FIGN: variants seen among roughly 807,000 people sequenced by gnomAD.
FIGN encodes the protein fidgetin.
Under a neutral mutation model 51.3 loss-of-function variants are expected in FIGN, and 11 were observed. The ratio of observed to expected loss-of-function variants is 0.21; its 90% CI spans 0.13 to 0.35. The LOEUF is 0.35. Ranked by LOEUF, FIGN falls within the 10% of genes least tolerant of loss-of-function variation. The pLI is 1.00. For missense variants in FIGN, 857 were observed against 943.6 expected, an observed-to-expected ratio of 0.91 and a Z score of 1.20; for synonymous variants, 407 against 363.2, an observed-to-expected ratio of 1.12 and a Z score of -1.37.
rs568475060 is a variant in FIGN, at chr2:163,622,978, T to C, written c.26-11172A>G. Among the ~76,000 whole-genome samples the C allele has an allele frequency of 2.2e-3, 329 of 152,304 alleles. 3 individuals carry two copies. Among genetic ancestry groups the C allele is most frequent in the Non-Finnish European group, 1.2e-3 (81 of 68,026 alleles). ...AAATTCTCCCTGCTACCTCTTTAAA[T>C]CATGTGCCTCTTCATAGCACACAAA... On this transcript the variant is annotated intron_variant, in intron 2 of 2. Transcript: ENST00000333129.
chr2:163,673,878 G>A (rs1286860085), intron 2 of FIGN, among the ~76,000 whole-genome samples: 2 of 152,034 alleles, frequency 1.3e-5, no homozygotes, highest in Non-Finnish European at 2.9e-5. Context: ...TGTATTACAG[G>A]TAATATCTCA....
chr2:163,675,706 C>CTTTTTTTTTTTTTTT (rs900840520), intron 2 of FIGN, among the ~76,000 whole-genome samples: 22 of 100,494 alleles, frequency 2.2e-4, no homozygotes, highest in East Asian at 2.9e-4. Flanking sequence ...TTCTTTCTTT[C>CTTTTTTTTTTTTTTT]TTTTTTTTTT....
At chr2:163,692,741 G>C (rs992764950) in intron 2 of FIGN, among the ~76,000 whole-genome samples, 2 of 152,044 alleles carry the variant, frequency 1.3e-5, no homozygotes, top group African/African-American at 2.4e-5. Context: ...AAAAACAAAC[G>C]AGCAAATTCT....
intron 2 of FIGN, among the ~76,000 whole-genome samples, chr2:163,733,568 G>T (rs1013148473): frequency 6.6e-6 from 1 of 152,224 alleles, no homozygotes; most frequent in Non-Finnish European, 1.5e-5. Context: ...GGGAAAAAAA[G>T]CTGTGCTCTC....
chr2:163,675,616 T>A (rs189564125), intron 2 of FIGN, among the ~76,000 whole-genome samples: 2 of 152,208 alleles, frequency 1.3e-5, no homozygotes, highest in Non-Finnish European at 2.9e-5. Context: ...GATATCTGCA[T>A]GTGCGCATGC....
intron 2 of FIGN, among the ~76,000 whole-genome samples, chr2:163,670,302 A>G (rs1683856214): frequency 6.6e-6 from 1 of 152,202 alleles, no homozygotes; most frequent in African/African-American, 2.4e-5. Context: ...GGTTTTTTAA[A>G]TGAGTGTTGG....
chr2:163,651,531 C>A (rs1683477750), intron 2 of FIGN, among the ~76,000 whole-genome samples: 1 of 152,122 alleles, frequency 6.6e-6, no homozygotes, highest in Non-Finnish European at 1.5e-5. Context: ...AAATGCATTG[C>A]AGTTGAGGAG....
intron 2 of FIGN, among the ~76,000 whole-genome samples, chr2:163,714,492 T>C (rs1684638634): frequency 6.6e-6 from 1 of 152,212 alleles, no homozygotes; most frequent in Non-Finnish European, 1.5e-5. Context: ...AATTCCACTA[T>C]TACCCTAACT....
intron 2 of FIGN, among the ~76,000 whole-genome samples, chr2:163,615,483 T>C (rs978461453): frequency 3.3e-5 from 5 of 152,188 alleles, no homozygotes; most frequent in Non-Finnish European, 5.9e-5. Flanking sequence ...TTATTGTTAT[T>C]GTGTTTATTG....
chr2:163,733,854 A>C (rs1191861086), intron 2 of FIGN, among the ~76,000 whole-genome samples: 1 of 149,060 alleles, frequency 6.7e-6, no homozygotes, highest in Non-Finnish European at 1.5e-5. Context: ...GCTTTGCCCC[A>C]CTGTTATTTC....
intron 2 of FIGN, among the ~76,000 whole-genome samples, chr2:163,652,334 C>A (rs977533465): frequency 4.3e-5 from 6 of 139,592 alleles, no homozygotes; most frequent in Admixed American, 2.2e-4. Context: ...AGGACCATAT[C>A]CATTAACCAA....
chr2:163,611,919 C>A, intron 2 of FIGN, 113 bp from the exon 3 acceptor site: 1 of 485,996 alleles, frequency 2.1e-6, no homozygotes, highest in Non-Finnish European at 3.1e-6. Flanking sequence ...GATATGCATA[C>A]TTTAAAAGAT....
At chr2:163,620,595 T>C (rs1164380691) in intron 2 of FIGN, among the ~76,000 whole-genome samples, 2 of 152,148 alleles carry the variant, frequency 1.3e-5, no homozygotes, top group East Asian at 3.9e-4. Context: ...GTATTTTGCA[T>C]TTTCTGAGTG....
rs554288458 is a variant in FIGN at position 163,621,644 on chromosome 2, A to AGTGAAATAGACCTG, written c.26-9852_26-9839dup. The stretch of plus-strand genomic sequence containing the variant: ...CATTTTCCCCACCCTGCCCCCTTCT[A>AGTGAAATAGACCTG]GTGAAATAGACCTGGTGAAATAGAC... On this transcript the variant is annotated intron_variant, in intron 2 of 2. Coordinates refer to ENST00000333129, the MANE Select transcript of FIGN (RefSeq NM_018086.4). 8.5e-5 allele frequency among the ~76,000 whole-genome samples: 13 copies of AGTGAAATAGACCTG among 152,248 alleles called. 1 individual carries two copies. Among genetic ancestry groups the AGTGAAATAGACCTG allele is most frequent in the African/African-American group, 1.4e-4 (6 of 41,562 alleles).
Position 163,660,877 on chromosome 2 carries a change from ATAT to A in FIGN, c.26-49074_26-49072del, listed in dbSNP as rs1315912815. On this transcript the variant is annotated intron_variant, in intron 2 of 2. Transcript: ENST00000333129. Reference sequence around the variant, plus strand: ...TGTATACATATATATATATATATATATATTTTTTTTTTTTTTTTTTTTTTTTTT... The same window carrying A: ...TGTATACATATATATATATATATATATTTTTTTTTTTTTTTTTTTTTTTTT... Among the ~76,000 whole-genome samples the A allele has an allele frequency of 5.6e-3, 141 of 25,154 alleles. 22 individuals are homozygous for A. Among genetic ancestry groups the A allele is most frequent in the Non-Finnish European group, 7.6e-3 (119 of 15,674 alleles). The allele number at this position is 25,154 out of a possible 152,430, so 16.5% of individuals were successfully genotyped here.
chr2:163,672,675 T>C lies in FIGN; in HGVS notation c.26-60869A>G, dbSNP rs1683896669. On this transcript the variant is annotated intron_variant, in intron 2 of 2. Transcript: ENST00000333129. ...AATTCCATGATTCTGGCAGCCAGCA[T>C]AACAAAACAGCCACAACAATAACAA... 1.3e-5 allele frequency among the ~76,000 whole-genome samples: 2 copies of C among 152,056 alleles called. 1 individual carries two copies. Among genetic ancestry groups the C allele is most frequent in the South Asian group, 4.2e-4 (2 of 4,804 alleles).
intron 2 of FIGN, among the ~76,000 whole-genome samples, chr2:163,658,972 A>G (rs557143645): frequency 4.6e-5 from 7 of 152,256 alleles, no homozygotes; most frequent in African/African-American, 1.2e-4. Context: ...TGCCCCACGT[A>G]ATTGTTTCAC....
rs138435837 is a variant in FIGN at position 163,709,025 on chromosome 2, C to T, written c.25+25878G>A. Among the ~76,000 whole-genome samples, 398 of 152,230 alleles carry T rather than the reference C, an allele frequency of 2.6e-3. 4 individuals are homozygous for T. Among genetic ancestry groups the T allele is most frequent in the African/African-American group, 8.6e-3 (359 of 41,540 alleles). On this transcript the variant is annotated intron_variant, in intron 2 of 2. Coordinates refer to ENST00000333129, the MANE Select transcript of FIGN (RefSeq NM_018086.4). ...TGAAGAGTCTAAGGTACCGTAAATACGGCAATGGGTGTCCTTATGCATACC... is the reference window on the plus strand; with the variant it reads ...TGAAGAGTCTAAGGTACCGTAAATATGGCAATGGGTGTCCTTATGCATACC...
At chr2:163,722,337 G>T (rs1684771024) in intron 2 of FIGN, among the ~76,000 whole-genome samples, 1 of 152,082 alleles carries the variant, frequency 6.6e-6, no homozygotes, top group African/African-American at 2.4e-5. Flanking sequence ...TACTGATAGT[G>T]CACATATTTG....
Sources: gnomAD v4.1 joint callset for allele counts (sites outside exome capture counted in the v4.1 genomes callset) on GRCh38, gnomAD v4.1.1 for gene constraint, MANE v1.5 for transcripts, NCBI Gene and HGNC (gene_info 2026-07-23, HGNC 2026-07-21) for gene names.